The following SPATA13 variants were observed in gnomAD, a reference collection of about 807,000 sequenced individuals.
The protein encoded by SPATA13 is spermatogenesis-associated protein 13.
In SPATA13, 50 loss-of-function variants were observed where a neutral mutation model predicts 104.0. The ratio of observed to expected loss-of-function variants is 0.48; its 90% CI spans 0.38 to 0.61. SPATA13 has a LOEUF of 0.61. Ranked by LOEUF, SPATA13 falls within the 20% of genes least tolerant of loss-of-function variation. SPATA13 has a pLI of 0.00. For missense variants in SPATA13, 1,524 were observed against 1,690.6 expected, an observed-to-expected ratio of 0.90 and a Z score of 1.73; for synonymous variants, 606 against 667.5, an observed-to-expected ratio of 0.91 and a Z score of 1.42.
intron 3 of SPATA13, among the ~76,000 whole-genome samples, chr13:24,113,164 A>G (rs1372769476): frequency 6.6e-6 from 1 of 152,210 alleles, no homozygotes; most frequent in Non-Finnish European, 1.5e-5. Flanking sequence ...AGTTTTGTAA[A>G]CCACTATGTG....
chr13:24,231,526 C>T (rs1872273626), intron 2 of SPATA13, among the ~76,000 whole-genome samples: 1 of 152,190 alleles, frequency 6.6e-6, no homozygotes. Context: ...TGGGTTGTTT[C>T]TGCCTTTTTG....
intron 3 of SPATA13, chr13:24,123,041 C>T: frequency 1.0e-6 from 1 of 957,620 alleles, no homozygotes; most frequent in Non-Finnish European, 1.7e-6. Flanking sequence ...GGTTAAATGT[C>T]ATTGCCAAAT....
intron 1 of SPATA13, among the ~76,000 whole-genome samples, chr13:24,178,824 A>T (rs561380976): frequency 4.1e-4 from 62 of 152,170 alleles, no homozygotes; most frequent in Non-Finnish European, 7.8e-4. Context: ...TATATAATTC[A>T]GTTGTTTTTA....
intron 3 of SPATA13, among the ~76,000 whole-genome samples, chr13:24,048,729 A>G (rs967501131): frequency 2.0e-5 from 3 of 152,204 alleles, no homozygotes; most frequent in Non-Finnish European, 4.4e-5. Context: ...GAACCGTTTA[A>G]TATCAGAGTG....
At chr13:24,122,383 A>C in intron 3 of SPATA13, 2 of 1,574,150 alleles carry the variant, frequency 1.3e-6, no homozygotes, top group Admixed American at 3.3e-5. Context: ...ATCATCAATG[A>C]TTGTGGAATA....
intron 3 of SPATA13, among the ~76,000 whole-genome samples, chr13:24,026,907 C>T (rs1593285698): frequency 1.3e-5 from 2 of 151,060 alleles, no homozygotes; most frequent in South Asian, 4.2e-4. Flanking sequence ...TGGCCAACTG[C>T]TGTTTATTTT....
intron 3 of SPATA13, among the ~76,000 whole-genome samples, chr13:24,138,586 T>C (rs902978257): frequency 6.6e-6 from 1 of 152,082 alleles, no homozygotes; most frequent in Non-Finnish European, 1.5e-5. Context: ...CTTTTTTTGT[T>C]TTTTAATTTA....
At chr13:24,247,478 C>CCTTTTTT (rs1375500120) in intron 2 of SPATA13, among the ~76,000 whole-genome samples, 2 of 87,122 alleles carry the variant, frequency 2.3e-5, no homozygotes, top group African/African-American at 8.0e-5. Context: ...TCCACATTCA[C>CCTTTTTT]TTTTTTTTTT....
Position 24,085,578 on chromosome 13 carries a change from G to A in SPATA13, c.-112+67877G>A, listed in dbSNP as rs141121040. ...ACGTCCGAGGGACCCTAGATCCAGA[G>A]GAAGGTGCTCCTTCTGCCACCACGT... is the stretch of plus-strand genomic sequence containing the variant. On this transcript the variant is annotated intron_variant, in intron 3 of 14. Coordinates refer to the SPATA13 transcript ENST00000424834. 2.1e-3 allele frequency among the ~76,000 whole-genome samples: 317 copies of A among 152,306 alleles called. 1 individual carries two copies. The highest frequency in any genetic ancestry group is 7.3e-3 in the African/African-American group (302 of 41,568).
chr13:24,134,341 A>G (rs1364464224), intron 3 of SPATA13, among the ~76,000 whole-genome samples: 2 of 152,156 alleles, frequency 1.3e-5, no homozygotes, highest in Admixed American at 6.5e-5. Flanking sequence ...CCCAGTGAGT[A>G]GTTATCCTCT....
chr13:24,023,106 C>G (rs1362022497), intron 3 of SPATA13, among the ~76,000 whole-genome samples: 1 of 152,046 alleles, frequency 6.6e-6, no homozygotes, highest in Non-Finnish European at 1.5e-5. Flanking sequence ...CACCCCATGA[C>G]AGGCCCCTGT....
At chr13:23,982,651 A>T (rs1378116332) in intron 1 of SPATA13, among the ~76,000 whole-genome samples, 1 of 152,192 alleles carries the variant, frequency 6.6e-6, no homozygotes, top group Non-Finnish European at 1.5e-5. Flanking sequence ...TGATTAGCAT[A>T]TGAAATATTT....
At chr13:24,259,648 T>A (rs1873964134) in intron 4 of SPATA13, among the ~76,000 whole-genome samples, 1 of 152,226 alleles carries the variant, frequency 6.6e-6, no homozygotes, top group Non-Finnish European at 1.5e-5. Flanking sequence ...TAGTATTGGT[T>A]GTAAAACCTC....
At chr13:24,001,739 A>C (rs1313378418) in intron 2 of SPATA13, among the ~76,000 whole-genome samples, 1 of 152,006 alleles carries the variant, frequency 6.6e-6, no homozygotes, top group Admixed American at 6.5e-5. Context: ...AAATGAAGAA[A>C]GAGAACCTGA....
Position 24,175,863 on chromosome 13 carries a change from T to G in SPATA13, c.-112+14931T>G, listed in dbSNP as rs903280735. Among the ~76,000 whole-genome samples the G allele has an allele frequency of 3.3e-4, 51 of 152,366 alleles. 2 individuals are homozygous for G. Among genetic ancestry groups the G allele is most frequent in the Middle Eastern group, 6.8e-3 (2 of 294 alleles). On this transcript the variant is annotated intron_variant, in intron 1 of 12. Transcript: ENST00000382108. ...CCCAGTGGCTTCTATGCAGAGCGAT[T>G]ACTAGAAAACATAAATAAATTTCTC...
intron 3 of SPATA13, among the ~76,000 whole-genome samples, chr13:24,037,561 C>T (rs908676437): frequency 6.6e-6 from 1 of 151,954 alleles, no homozygotes; most frequent in African/African-American, 2.4e-5. Flanking sequence ...GTGTGCACAC[C>T]ACCACACCTG....
chr13:24,111,584 T>A (rs1880640714), intron 3 of SPATA13, among the ~76,000 whole-genome samples: 1 of 152,148 alleles, frequency 6.6e-6, no homozygotes, highest in Non-Finnish European at 1.5e-5. Flanking sequence ...ACTTGTATTT[T>A]TTGTAGAGAT....
intron 3 of SPATA13, among the ~76,000 whole-genome samples, chr13:24,084,264 G>A (rs1879647455): frequency 1.3e-5 from 2 of 152,206 alleles, no homozygotes. Flanking sequence ...TGCAGTCGAA[G>A]GAGGCATTCG....
At chr13:24,173,277 C>G (rs1362043390) in intron 1 of SPATA13, among the ~76,000 whole-genome samples, 2 of 151,652 alleles carry the variant, frequency 1.3e-5, no homozygotes, top group Non-Finnish European at 2.9e-5. Context: ...TGGGGTTTTG[C>G]CATGTTAGCC....
Sources: gnomAD v4.1 joint callset for allele counts (sites outside exome capture counted in the v4.1 genomes callset) on GRCh38, gnomAD v4.1.1 for gene constraint, MANE v1.5 for transcripts, NCBI Gene and HGNC (gene_info 2026-07-23, HGNC 2026-07-21) for gene names.